CLASP2: variants seen among roughly 807,000 people sequenced by gnomAD.
CLASP2 encodes cytoplasmic linker associated protein 2.
Under a neutral mutation model 194.4 loss-of-function variants are expected in CLASP2, and 47 were observed. The ratio of observed to expected loss-of-function variants is 0.24; its 90% CI spans 0.19 to 0.31. The LOEUF is 0.31. CLASP2 is among the 10% of genes least tolerant of loss of function. The probability of loss-of-function intolerance (pLI) is 1.00; values close to 1 mark genes in which losing one functional copy is unlikely to be tolerated. For synonymous variants in CLASP2, 619 were observed against 633.5 expected (o/e 0.98, Z 0.34); for missense variants, 1,445 against 1,823.6 (o/e 0.79, Z 3.78).
chr3:33,639,407 T>C (rs1357350602), intron 8 of CLASP2, among the ~76,000 whole-genome samples: 1 of 152,182 alleles, frequency 6.6e-6, no homozygotes, highest in Admixed American at 6.5e-5. Flanking sequence ...GTAAGCTCTA[T>C]ATACAAATGT....
intron 34 of CLASP2, among the ~76,000 whole-genome samples, chr3:33,524,720 G>C (rs1017816644): frequency 6.6e-6 from 1 of 152,262 alleles, no homozygotes; most frequent in East Asian, 1.9e-4. Context: ...GGTTACAACA[G>C]ATAAAGGAGG....
At chr3:33,623,178 T>C (rs2077393822) in intron 10 of CLASP2, among the ~76,000 whole-genome samples, 3 of 152,242 alleles carry the variant, frequency 2.0e-5, no homozygotes, top group South Asian at 4.1e-4. Context: ...ACATGTGATA[T>C]TTTGATAAAA....
intron 1 of CLASP2, among the ~76,000 whole-genome samples, chr3:33,706,138 C>T (rs1222280410): frequency 6.6e-6 from 1 of 151,898 alleles, no homozygotes; most frequent in Non-Finnish European, 1.5e-5. Context: ...GTCCCAGTTG[C>T]TGGGGAGGCT....
intron 8 of CLASP2, among the ~76,000 whole-genome samples, chr3:33,635,746 G>A (rs2080021446): frequency 6.6e-6 from 1 of 152,132 alleles, no homozygotes; most frequent in South Asian, 2.1e-4. Context: ...TCCTTATCCA[G>A]TATTAAAACT....
At position 33,497,715 on chromosome 3, in the gene CLASP2, G is replaced by T. The variant is rs1432856886; in HGVS notation, c.*916C>A. ...CATGTCTCGATAATTTGTTTATTAC[G>T]TGAGAAACAGAAGACGGTCAAGGAC... On this transcript the variant is annotated 3_prime_UTR_variant, in exon 39 of 39. Transcript: ENST00000682230. The T allele has an allele frequency of 6.6e-6, 1 of 152,510 alleles. No homozygotes were observed. The highest frequency in any genetic ancestry group is 2.1e-4 in the South Asian group (1 of 4,826). 9.4% of individuals were successfully genotyped at this position (152,510 alleles called of 1,614,324 possible). A position where few individuals can be genotyped will look rare whatever the true frequency, so the allele number is the denominator to read the frequency against.
Position 33,622,164 on chromosome 3 carries a change from C to A in CLASP2, c.1152G>T (p.Gln384His). The A allele has an allele frequency of 6.3e-7, 1 of 1,596,826 alleles. No individual in the cohort carries two copies. Among genetic ancestry groups the A allele is most frequent in the Non-Finnish European group, 8.5e-7 (1 of 1,173,206 alleles). ...LKLSAKDLRS[Q>H]VVREACITVA... is the part of the protein sequence containing the mutation. ...CAGTAATACAAGCTTCTCTAACCAC[C>A]TGGGATCTAAGATCCTTAGCTGAAA... Residue 384 changes from glutamine (Q) to histidine (H), a missense_variant, in exon 11 of 39, where the codon CAG (glutamine) becomes CAT (histidine). Gln to His is a conservative substitution (Grantham distance 24, BLOSUM62 0). This residue lies in a region of CLASP2 where 207 missense variants were observed against 331.4 expected (regional missense o/e 0.62). Transcript: ENST00000682230.
rs746652162 is a variant in CLASP2, at chr3:33,573,300, C to T, written c.2509G>A (p.Ala837Thr). ...ESYGMHSDDD[A>T]NSDASSACSE... is the part of the protein sequence containing the mutation. ...CAAGCACTAGATGCATCGCTGTTGG[C>T]GTCATCATCTGAATGCATTCCATAT... Residue 837 changes from alanine (A) to threonine (T), a missense_variant, in exon 25 of 39, where the codon GCC becomes ACC. Ala to Thr is a moderately conservative substitution (Grantham distance 58, BLOSUM62 0). Transcript: ENST00000682230. The T allele has an allele frequency of 3.1e-6, 5 of 1,613,626 alleles. No homozygotes were observed. The highest frequency in any genetic ancestry group is 1.6e-4 in the Middle Eastern group (1 of 6,084).
intron 7 of CLASP2, among the ~76,000 whole-genome samples, chr3:33,656,367 C>T (rs2084213567): frequency 6.6e-6 from 1 of 152,156 alleles, no homozygotes; most frequent in South Asian, 2.1e-4. Flanking sequence ...AAGGCATCTA[C>T]AGAGAAGGAA....
chr3:33,635,252 C>T (rs953627893), intron 8 of CLASP2, among the ~76,000 whole-genome samples: 1 of 150,920 alleles, frequency 6.6e-6, no homozygotes, highest in African/African-American at 2.4e-5. Flanking sequence ...GGTGACAGAG[C>T]GAGACTCTGT....
At chr3:33,615,341 G>C (rs2075931322) in intron 12 of CLASP2, among the ~76,000 whole-genome samples, 1 of 148,064 alleles carries the variant, frequency 6.8e-6, no homozygotes, top group South Asian at 2.1e-4. Context: ...GCATAACAAA[G>C]GTTTTATTCT....
At chr3:33,644,573 T>C (rs2081961908) in intron 8 of CLASP2, 184 bp downstream of exon 8, 2 of 666,304 alleles carry the variant, frequency 3.0e-6, no homozygotes, top group Non-Finnish European at 5.3e-6. Context: ...TTAGAGGAAA[T>C]AGCAGTATAC....
chr3:33,704,896 A>C (rs2092598522), intron 1 of CLASP2, among the ~76,000 whole-genome samples: 1 of 152,134 alleles, frequency 6.6e-6, no homozygotes, highest in South Asian at 2.1e-4. Context: ...GAAAATGTCA[A>C]ATGTTGGTAA....
At chr3:33,532,701 A>G (rs944694046) in intron 34 of CLASP2, among the ~76,000 whole-genome samples, 2 of 152,098 alleles carry the variant, frequency 1.3e-5, no homozygotes, top group African/African-American at 4.8e-5. Flanking sequence ...TTTTGTAATT[A>G]TTAGTTTTTT....
intron 28 of CLASP2, among the ~76,000 whole-genome samples, chr3:33,560,554 A>G (rs1446652191): frequency 6.6e-6 from 1 of 152,048 alleles, no homozygotes; most frequent in Non-Finnish European, 1.5e-5. Flanking sequence ...CTGATACATC[A>G]ATTAAGATAA....
intron 23 of CLASP2, chr3:33,577,397 A>T: frequency 3.2e-6 from 2 of 628,310 alleles, no homozygotes; most frequent in Non-Finnish European, 5.3e-6. Context: ...AGTATTGCCA[A>T]ATAGGGCAAT....
At chr3:33,665,102 C>CAA (rs201253172) in intron 6 of CLASP2, among the ~76,000 whole-genome samples, 7 of 114,054 alleles carry the variant, frequency 6.1e-5, no homozygotes, top group East Asian at 2.4e-4. Flanking sequence ...GATTTTGTCT[C>CAA]AAAAAAAAAA....
intron 6 of CLASP2, among the ~76,000 whole-genome samples, chr3:33,666,683 G>GAA (rs2086233094): frequency 2.6e-5 from 4 of 152,144 alleles, no homozygotes; most frequent in Non-Finnish European, 5.9e-5. Flanking sequence ...CTGTGTGTAG[G>GAA]TTTTTGTGAG....
intron 37 of CLASP2, among the ~76,000 whole-genome samples, chr3:33,509,678 T>C (rs1302414636): frequency 1.3e-5 from 2 of 152,166 alleles, no homozygotes; most frequent in East Asian, 1.9e-4. Context: ...ATACATACTA[T>C]GTAATATTAG....
intron 1 of CLASP2, among the ~76,000 whole-genome samples, chr3:33,707,652 A>C (rs914627637): frequency 1.3e-5 from 2 of 152,184 alleles, no homozygotes; most frequent in Non-Finnish European, 2.9e-5. Flanking sequence ...AAAGGAGAGT[A>C]TTTCCTATTA....
Sources: allele counts gnomAD v4.1 joint callset (sites outside exome capture counted in the v4.1 genomes callset), GRCh38; gene constraint gnomAD v4.1.1; regional missense constraint gnomAD v4.1.1; transcripts MANE v1.5; gene names NCBI Gene and HGNC (gene_info 2026-07-23, HGNC 2026-07-21).